AGBL1: variants seen among roughly 807,000 people sequenced by gnomAD.
AGBL1 encodes AGBL carboxypeptidase 1.
A neutral mutation model predicts 118.9 loss-of-function variants in AGBL1; 130 were observed. The observed-to-expected ratio is 1.09, with a 90% CI of 0.95 to 1.26. The LOEUF (loss-of-function observed/expected upper bound fraction) is 1.26, where lower values mean the gene tolerates loss of function less well. AGBL1 is among the 50% of genes most tolerant of loss of function. AGBL1 has a pLI of 0.00. For synonymous variants in AGBL1, 555 were observed against 478.9 expected, an observed-to-expected ratio of 1.16 and a Z score of -2.08; for missense variants, 1,584 against 1,298.1, an observed-to-expected ratio of 1.22 and a Z score of -3.38.
chr15:86,208,249 G>A (rs960466196), intron 5 of AGBL1, among the ~76,000 whole-genome samples: 1 of 152,082 alleles, frequency 6.6e-6, no homozygotes, highest in South Asian at 2.1e-4. Flanking sequence ...TTTTTGCATC[G>A]ATGTTCATCA....
At chr15:86,973,973 AT>A (rs1221781065) in intron 23 of AGBL1, among the ~76,000 whole-genome samples, 1 of 141,770 alleles carries the variant, frequency 7.1e-6, no homozygotes, top group African/African-American at 2.5e-5. Flanking sequence ...TATTTAATAT[AT>A]TAAATATAAA....
At chr15:86,270,602 A>G (rs1211067261) in intron 14 of AGBL1, among the ~76,000 whole-genome samples, 2 of 152,200 alleles carry the variant, frequency 1.3e-5, no homozygotes, top group African/African-American at 2.4e-5. Flanking sequence ...CTGCTGCATC[A>G]TATACTAACT....
intron 22 of AGBL1, among the ~76,000 whole-genome samples, chr15:86,687,919 C>T (rs199574815): frequency 1.3e-5 from 2 of 152,212 alleles, no homozygotes; most frequent in South Asian, 2.1e-4. Flanking sequence ...TAAATCATAT[C>T]CCAGGCACAG....
chr15:86,446,585 C>A (rs976140120), intron 18 of AGBL1, among the ~76,000 whole-genome samples: 2 of 152,180 alleles, frequency 1.3e-5, no homozygotes, highest in African/African-American at 4.8e-5. Context: ...AAGAAACTTC[C>A]ATTTATATCG....
At chr15:86,821,369 T>C (rs1466185769) in intron 22 of AGBL1, among the ~76,000 whole-genome samples, 1 of 152,068 alleles carries the variant, frequency 6.6e-6, no homozygotes, top group East Asian at 1.9e-4. Context: ...ATGTTAAATA[T>C]CTTAGGGAGA....
chr15:86,174,938 T>C (rs1213749539), intron 5 of AGBL1, among the ~76,000 whole-genome samples: 1 of 152,100 alleles, frequency 6.6e-6, no homozygotes, highest in Non-Finnish European at 1.5e-5. Flanking sequence ...GCATCTATGT[T>C]CATTAGGGAT....
chr15:86,659,456 A>G (rs2142512338), intron 21 of AGBL1, among the ~76,000 whole-genome samples: 1 of 152,124 alleles, frequency 6.6e-6, no homozygotes, highest in Non-Finnish European at 1.5e-5. Context: ...ATCTAATACA[A>G]CCTCATCTCT....
At chr15:86,715,491 GT>G (rs1377719567) in intron 22 of AGBL1, among the ~76,000 whole-genome samples, 2 of 152,106 alleles carry the variant, frequency 1.3e-5, no homozygotes, top group African/African-American at 4.8e-5. Flanking sequence ...CATTTTCATG[GT>G]GATTTAGTCT....
intron 18 of AGBL1, among the ~76,000 whole-genome samples, chr15:86,426,324 G>T (rs1382940982): frequency 6.6e-6 from 1 of 152,162 alleles, no homozygotes; most frequent in Non-Finnish European, 1.5e-5. Flanking sequence ...TGTTACCAAA[G>T]AAAGGTGTTC....
chr15:86,862,884 C>T (rs539352505), intron 22 of AGBL1, among the ~76,000 whole-genome samples: 7 of 152,296 alleles, frequency 4.6e-5, no homozygotes, highest in Non-Finnish European at 8.8e-5. Context: ...GTGGAAAATG[C>T]ACTATGTAAG....
At chr15:86,927,755 A>G (rs189123465) in intron 23 of AGBL1, among the ~76,000 whole-genome samples, 93 of 152,234 alleles carry the variant, frequency 6.1e-4, no homozygotes, top group Admixed American at 5.2e-3. Context: ...AGAAATGTCA[A>G]TCATTGTGTC....
At chr15:86,831,463 G>C (rs1395549500) in intron 22 of AGBL1, among the ~76,000 whole-genome samples, 1 of 152,204 alleles carries the variant, frequency 6.6e-6, no homozygotes, top group East Asian at 1.9e-4. Context: ...TGTGTGTACA[G>C]GTATTGGGTA....
At chr15:86,365,238 G>C (rs1664336233) in intron 17 of AGBL1, among the ~76,000 whole-genome samples, 1 of 152,010 alleles carries the variant, frequency 6.6e-6, no homozygotes, top group South Asian at 2.1e-4. Flanking sequence ...AGAATTAATG[G>C]CCTAGTTTTG....
intron 3 of AGBL1, among the ~76,000 whole-genome samples, chr15:86,150,425 A>G (rs2077092133): frequency 6.6e-6 from 1 of 152,228 alleles, no homozygotes; most frequent in Admixed American, 6.5e-5. Flanking sequence ...GATGCAATAA[A>G]AAGTGATAAA....
chr15:86,276,437 C>T (rs145783289), intron 15 of AGBL1, among the ~76,000 whole-genome samples: 148 of 152,296 alleles, frequency 9.7e-4, no homozygotes, highest in African/African-American at 3.4e-3. Flanking sequence ...ATAATACTCA[C>T]CTTGAAAGGA....
intron 22 of AGBL1, among the ~76,000 whole-genome samples, chr15:86,894,616 G>C (rs558528383): frequency 1.3e-5 from 2 of 152,160 alleles, no homozygotes; most frequent in Non-Finnish European, 2.9e-5. Context: ...CAGTTAATAA[G>C]ATTGGAGGTG....
intron 21 of AGBL1, among the ~76,000 whole-genome samples, chr15:86,595,853 T>G (rs2084398255): frequency 6.6e-6 from 1 of 151,974 alleles, no homozygotes; most frequent in Non-Finnish European, 1.5e-5. Context: ...TGCTGATTGG[T>G]TGGAGATGAA....
intron 24 of AGBL1, among the ~76,000 whole-genome samples, chr15:87,014,073 C>T (rs1158094555): frequency 6.6e-6 from 1 of 152,086 alleles, no homozygotes; most frequent in Non-Finnish European, 1.5e-5. Flanking sequence ...ATGATAGACA[C>T]TTATTATTTC....
At chr15:86,098,169 AT>A (rs373200990) in intron 1 of AGBL1, among the ~76,000 whole-genome samples, 124 of 148,554 alleles carry the variant, frequency 8.3e-4, no homozygotes, top group African/African-American at 2.2e-3. Flanking sequence ...AAAACTATTT[AT>A]TTTTTTTTTG....
Sources: allele counts gnomAD v4.1 joint callset (sites outside exome capture counted in the v4.1 genomes callset), GRCh38; gene constraint gnomAD v4.1.1; transcripts MANE v1.5; gene names NCBI Gene and HGNC (gene_info 2026-07-23, HGNC 2026-07-21).